CUL9: variants seen among roughly 807,000 people sequenced by gnomAD.
CUL9 encodes cullin-9.
Under a neutral mutation model 272.6 loss-of-function variants are expected in CUL9, and 79 were observed. That is an observed-to-expected ratio of 0.29 (90% CI 0.24 to 0.35). CUL9 has a LOEUF of 0.35. Ranked by LOEUF, CUL9 falls within the 10% of genes least tolerant of loss-of-function variation. The probability of loss-of-function intolerance (pLI) is 1.00; values close to 1 mark genes in which losing one functional copy is unlikely to be tolerated. For missense variants in CUL9, 2,532 were observed against 3,255.6 expected (o/e 0.78, Z 5.41); for synonymous variants, 1,186 against 1,286.5 (o/e 0.92, Z 1.67).
chr6:43,208,978 G>T (rs971660113), intron 26 of CUL9, among the ~76,000 whole-genome samples: 1 of 151,802 alleles, frequency 6.6e-6, no homozygotes, highest in East Asian at 1.9e-4. Flanking sequence ...CCAAGTAGCT[G>T]GGACTATAGG....
Position 43,186,347 on chromosome 6 carries a change from GAC to G in CUL9, c.1146_1147del (p.Leu383AlafsTer11). On this transcript the variant is annotated frameshift_variant, in exon 4 of 41. Coordinates refer to ENST00000252050, the MANE Select transcript of CUL9 (RefSeq NM_015089.4). LOFTEE classifies it high-confidence loss of function. ...GTGGCTATGGAGAATATGTGCAGCA[GAC>G]ACTGCAGCCAGGGATGCGAGTGCGG... The part of the protein sequence containing the change: ...RSGYGEYVQQ[T>X]LQPGMRVRML... 1.2e-6 allele frequency: 2 copies of G among 1,614,242 alleles called. No homozygotes were observed. The highest frequency in any genetic ancestry group is 1.7e-6 in the Non-Finnish European group (2 of 1,180,024).
In CUL9 at chr6:43,186,091, G is replaced by C. The variant is rs769112831; in HGVS notation, c.887G>C (p.Gly296Ala). The C allele has an allele frequency of 1.2e-6, 2 of 1,614,266 alleles. No homozygotes were observed. Residue 296 changes from glycine (G) to alanine (A), a missense_variant, in exon 4 of 41, where the codon GGA becomes GCA. Physicochemically the swap from Gly to Ala is moderately conservative, Grantham distance 60. Around this residue, in one of 3 missense-constraint regions of CUL9, gnomAD observed 2,218 missense variants for 2,788.6 expected, o/e 0.80. Coordinates refer to ENST00000252050, the MANE Select transcript of CUL9 (RefSeq NM_015089.4). ...SPCATREKSR[G>A]QRELEFSMAV... ...TGTGCCACAAGAGAGAAAAGCCGGG[G>C]ACAGCGGGAACTGGAGTTCAGCATG...
rs183455318 is a variant in CUL9, at chr6:43,182,719, C to T, written c.-10+470C>T. Among the ~76,000 whole-genome samples the T allele has an allele frequency of 2.6e-4, 39 of 152,172 alleles. No individual in the cohort carries two copies. The South Asian group carries it at 6.0e-3, about 24-fold the overall frequency. On this transcript the variant is annotated intron_variant, in intron 1 of 40. Transcript: ENST00000252050. The stretch of plus-strand genomic sequence containing the variant: ...GAGGTCCACATCCATCTTTCTCCCT[C>T]CTCTTCACCTCTACTCTCATCTTCT...
Position 43,220,914 on chromosome 6 carries a change from G to A in CUL9, c.6588+3G>A. ...GCTTCAACTGTAGCTTCCCTGAGGT[G>A]GGAGCCCCACACTGGCCCTGACCCT... On this transcript the variant is annotated splice_donor_region_variant and intron_variant, in intron 33 of 40. Coordinates refer to ENST00000252050, the MANE Select transcript of CUL9 (RefSeq NM_015089.4). This position sits in a 1 kb window ranked among gnomAD's most constrained non-coding sequence, Gnocchi z 4.9. 6.2e-7 allele frequency: 1 copy of A among 1,607,782 alleles called. No individual in the cohort carries two copies. The highest frequency in any genetic ancestry group is 8.5e-7 in the Non-Finnish European group (1 of 1,177,068).
At chr6:43,197,547 G>A (rs561034135) in intron 11 of CUL9, among the ~76,000 whole-genome samples, 6 of 151,692 alleles carry the variant, frequency 4.0e-5, no homozygotes, top group South Asian at 4.2e-4. Flanking sequence ...GCAGTTGCAC[G>A]ATCTCTGCTC....
At chr6:43,202,972 C>A in intron 17 of CUL9, 137 bp from the exon 18 acceptor site, 1 of 1,189,058 alleles carries the variant, frequency 8.4e-7, no homozygotes, top group Non-Finnish European at 1.2e-6. Flanking sequence ...ATTAGGGATG[C>A]AGAGCCACGT....
rs765188010 is a variant in CUL9 at position 43,198,679 on chromosome 6, C to T, written c.2874C>T (p.Gly958=). The change falls in exon 12 of 41, where the codon GGC becomes GGT. Residue 958 remains glycine, a synonymous_variant. Transcript: ENST00000252050. ...TACTGATTCGATCCCTGGTTGGGGG[C>T]CCATCTGCAGAACTACTCCTGGACT... ...PELLIRSLVG[G]PSAELLLDLE... The T allele has an allele frequency of 3.1e-6, 5 of 1,613,706 alleles. No homozygotes were observed. Among genetic ancestry groups the T allele is most frequent in the East Asian group, 2.2e-5 (1 of 44,868 alleles).
At position 43,201,200 on chromosome 6, in the gene CUL9, C is replaced by G. The variant is rs1003982881; in HGVS notation, c.3647+366C>G. 3.9e-5 allele frequency among the ~76,000 whole-genome samples: 6 copies of G among 152,200 alleles called. 1 individual carries two copies. The highest frequency in any genetic ancestry group is 7.3e-5 in the Non-Finnish European group (5 of 68,034). ...ATAAGATATGGTACCTACATTCCAG[C>G]TGGGGAGCTACACTAGAAAATCAAG... is the stretch of plus-strand genomic sequence containing the variant. On this transcript the variant is annotated intron_variant, in intron 16 of 40. Transcript: ENST00000252050.
At position 43,203,133 on chromosome 6, in the gene CUL9, C is replaced by T. The variant is rs760343802; in HGVS notation, c.3778C>T (p.Arg1260Trp). ...GGTGAATGTGATGCCCTCTGCCAGC[C>T]GGGTGATCCTCTTGGAGAACCTGAA... ...NTVNVMPSAS[R>W]VILLENLNRF... The change falls in exon 18 of 41, where the codon CGG (arginine) becomes TGG (tryptophan). Residue 1260 changes from arginine (R) to tryptophan (W), a missense_variant. By Grantham distance (101) the Arg-to-Trp change is moderately radical (BLOSUM62 -3). Around this residue, in one of 3 missense-constraint regions of CUL9, gnomAD observed 2,218 missense variants for 2,788.6 expected, o/e 0.80. Transcript: ENST00000252050. This position sits in a 1 kb window ranked among gnomAD's most constrained non-coding sequence, Gnocchi z 5.0. The T allele has an allele frequency of 3.1e-6, 5 of 1,613,662 alleles. No homozygotes were observed. Among genetic ancestry groups the T allele is most frequent in the South Asian group, 1.1e-5 (1 of 91,046 alleles).
At chr6:43,183,436 C>G (rs1562006822) in intron 1 of CUL9, among the ~76,000 whole-genome samples, 1 of 152,176 alleles carries the variant, frequency 6.6e-6, no homozygotes, top group Non-Finnish European at 1.5e-5. Flanking sequence ...ATGGCCCACC[C>G]TTTACATCCA....
At position 43,184,265 on chromosome 6, in the gene CUL9, T is replaced by C. The variant is rs1772715069; in HGVS notation, c.-9-37T>C. 4 of 1,373,218 alleles carry C rather than the reference T, an allele frequency of 2.9e-6. No individual in the cohort carries two copies. Among genetic ancestry groups the C allele is most frequent in the South Asian group, 3.7e-5 (2 of 53,682 alleles). 85.1% of individuals were successfully genotyped at this position (1,373,218 alleles called of 1,614,324 possible). On this transcript the variant is annotated intron_variant, in intron 1 of 40. Coordinates refer to ENST00000252050, the MANE Select transcript of CUL9 (RefSeq NM_015089.4). This position sits in a 1 kb window ranked among gnomAD's most constrained non-coding sequence, Gnocchi z 4.8. ...CCCCCTCCATGTATTTTTTTTCTTT[T>C]CTCATACTGCCTTATCTTTCTCCTT... is the stretch of plus-strand genomic sequence containing the variant.
At position 43,203,300 on chromosome 6, in the gene CUL9, C is replaced by A. The variant is rs1011147869; in HGVS notation, c.3849+96C>A. On this transcript the variant is annotated intron_variant, in intron 18 of 40. Transcript: ENST00000252050. This position sits in a 1 kb window ranked among gnomAD's most constrained non-coding sequence, Gnocchi z 5.0. ...GAGATGGCCCAGGACCTGTTGAGTC[C>A]CAGAGATGTGGGGATGTCCTGAGCA... 3 of 1,593,634 alleles carry A rather than the reference C, an allele frequency of 1.9e-6. No homozygotes were observed. The African/African-American group carries it at 4.0e-5, about 21-fold the overall frequency.
At position 43,186,973 on chromosome 6, in the gene CUL9, C is replaced by T; in HGVS notation, c.1265C>T (p.Ser422Leu). The change falls in exon 5 of 41, where the codon TCG becomes TTG. Residue 422 changes from serine to leucine, a missense_variant. By Grantham distance (145) the Ser-to-Leu change is moderately radical (BLOSUM62 -2). Transcript: ENST00000252050. ...GIPPVQVFWQ[S>L]TGRTYWVHWH... ...CCCTCATACCAGGTTTTCTGGCAGT[C>T]GACAGGCCGCACTTACTGGGTGCAC... 4 of 1,613,926 alleles carry T rather than the reference C, an allele frequency of 2.5e-6. No individual in the cohort carries two copies. Among genetic ancestry groups the T allele is most frequent in the African/African-American group, 1.3e-5 (1 of 75,006 alleles).
In CUL9 at chr6:43,199,223, A is replaced by G; in HGVS notation, c.3051-43A>G. 6.7e-7 allele frequency: 1 copy of G among 1,503,076 alleles called. No homozygotes were observed. Among genetic ancestry groups the G allele is most frequent in the Non-Finnish European group, 9.3e-7 (1 of 1,080,858 alleles). The allele number at this position is 1,503,076 out of a possible 1,614,324, so 93.1% of individuals were successfully genotyped here. On this transcript the variant is annotated intron_variant, in intron 12 of 40. Transcript: ENST00000252050. This position sits in a 1 kb window ranked among gnomAD's most constrained non-coding sequence, Gnocchi z 4.4. Reference sequence around the variant, plus strand: ...AGTGCTGGGATTACAGGCATGAGCCACTGTGCCTGGCCTGACTTCACTCGT... The same window carrying G: ...AGTGCTGGGATTACAGGCATGAGCCGCTGTGCCTGGCCTGACTTCACTCGT...
intron 21 of CUL9, 100 bp from the exon 22 acceptor site, chr6:43,204,648 C>T: frequency 1.3e-6 from 2 of 1,578,342 alleles, no homozygotes; most frequent in Non-Finnish European, 1.7e-6. Flanking sequence ...TTTCCAGGCC[C>T]CTGAGACCTA....
chr6:43,213,056 G>A lies in CUL9; in HGVS notation c.5213-93G>A. The stretch of plus-strand genomic sequence containing the variant: ...AAATGCTGGGGCCCTCCTCCCCATA[G>A]GGACTAGTAGGAGCAAAGCTTGACA... On this transcript the variant is annotated intron_variant, in intron 26 of 40. Transcript: ENST00000252050. This position sits in a 1 kb window ranked among gnomAD's most constrained non-coding sequence, Gnocchi z 5.7. The A allele has an allele frequency of 7.1e-7, 1 of 1,404,316 alleles. No homozygotes were observed. Among genetic ancestry groups the A allele is most frequent in the Non-Finnish European group, 9.8e-7 (1 of 1,023,496 alleles). 87.0% of individuals were successfully genotyped at this position (1,404,316 alleles called of 1,614,324 possible).
chr6:43,206,376 C>T lies in CUL9; in HGVS notation c.5078C>T (p.Pro1693Leu). The T allele has an allele frequency of 1.2e-6, 2 of 1,614,150 alleles. No individual in the cohort carries two copies. Among genetic ancestry groups the T allele is most frequent in the Non-Finnish European group, 1.7e-6 (2 of 1,180,024 alleles). Residue 1693 changes from proline (P) to leucine (L), a missense_variant, in exon 26 of 41, where the codon CCA becomes CTA. Coordinates refer to ENST00000252050, the MANE Select transcript of CUL9 (RefSeq NM_015089.4). This position sits in a 1 kb window ranked among gnomAD's most constrained non-coding sequence, Gnocchi z 4.8. ...EKELFIEDPS[P>L]AISILVLSPR... is the part of the protein sequence containing the mutation. ...GAATTATTTATCGAAGATCCAAGTCCAGCCATTTCTATACTGGTCCTGTCA... is the reference window on the plus strand; with the variant it reads ...GAATTATTTATCGAAGATCCAAGTCTAGCCATTTCTATACTGGTCCTGTCA...
Position 43,220,439 on chromosome 6 carries a change from CCT to C in CUL9, c.6283-18_6283-17del, listed in dbSNP as rs780206669. 7.4e-6 allele frequency: 12 copies of C among 1,613,744 alleles called. No homozygotes were observed. In the Admixed American group the frequency reaches 1.8e-4, roughly 25 times the overall value. On this transcript the variant is annotated intron_variant, in intron 31 of 40. Coordinates refer to ENST00000252050, the MANE Select transcript of CUL9 (RefSeq NM_015089.4). The surrounding 1 kb of genome is among the most constrained non-coding windows in gnomAD (Gnocchi z 4.9). ...GCTCCCACACTGTCTGTGAGCAGCC[CCT>C]CCTTTTGTCCCTCCCAGTCTTGCTG...
In CUL9 at chr6:43,221,264, T is replaced by C; in HGVS notation, c.6695T>C (p.Ile2232Thr). 6.2e-7 allele frequency: 1 copy of C among 1,610,606 alleles called. No individual in the cohort carries two copies. The highest frequency in any genetic ancestry group is 8.5e-7 in the Non-Finnish European group (1 of 1,179,692). The part of the protein sequence containing the change: ...EAQSKHLAKL[I>T]SKRCPSCQAP... ...CAGAGCAAGCACCTGGCCAAGCTCA[T>C]CTCCAAGCGCTGTCCCAGCTGTCAG... is the stretch of plus-strand genomic sequence containing the variant. The change falls in exon 34 of 41, where the codon ATC becomes ACC. Residue 2232 changes from isoleucine to threonine, a missense_variant. By Grantham distance (89) the Ile-to-Thr change is moderately conservative (BLOSUM62 -1). Around this residue, in one of 3 missense-constraint regions of CUL9, gnomAD observed 77 missense variants for 161.1 expected, o/e 0.48. Coordinates refer to ENST00000252050, the MANE Select transcript of CUL9 (RefSeq NM_015089.4). This position sits in a 1 kb window ranked among gnomAD's most constrained non-coding sequence, Gnocchi z 4.2.
Sources: allele counts gnomAD v4.1 joint callset (sites outside exome capture counted in the v4.1 genomes callset), GRCh38; gene constraint gnomAD v4.1.1; regional missense constraint gnomAD v4.1.1; non-coding constraint Gnocchi (gnomAD v3.1); transcripts MANE v1.5; gene names NCBI Gene and HGNC (gene_info 2026-07-23, HGNC 2026-07-21).